Variants in BCCIP observed in about 807,000 individuals in gnomAD.
The protein encoded by BCCIP is BRCA2 and CDKN1A interacting protein.
In BCCIP, 23 loss-of-function variants were observed where a neutral mutation model predicts 32.8. That is an observed-to-expected ratio of 0.70 (90% CI 0.51 to 0.99). The LOEUF (loss-of-function observed/expected upper bound fraction) is 0.99. BCCIP is among the 50% of genes least tolerant of loss of function. BCCIP has a pLI of 0.00. For synonymous variants in BCCIP, 144 were observed against 137.6 expected (o/e 1.05, Z -0.33); for missense variants, 378 against 379.8 (o/e 1.00, Z 0.04).
chr10:125,839,708 C>A (rs1854816454), downstream of BCCIP, among the ~76,000 whole-genome samples: 1 of 152,300 alleles, frequency 6.6e-6, no homozygotes, highest in East Asian at 1.9e-4. Context: ...TAGTTAAGCT[C>A]ATCTATCTAC....
downstream of BCCIP, chr10:125,836,645 G>C: frequency 6.3e-7 from 1 of 1,595,776 alleles, no homozygotes; most frequent in Non-Finnish European, 8.6e-7. Context: ...CAGCCATCCA[G>C]CTACCTTTGG....
At chr10:125,841,007 A>G (rs1940168522), downstream of BCCIP, 2 of 1,591,486 alleles carry the variant, frequency 1.3e-6, no homozygotes, top group Admixed American at 3.5e-5. Context: ...CTTCAAAATG[A>G]AAAAGGTCAC....
downstream of BCCIP, among the ~76,000 whole-genome samples, chr10:125,846,720 A>C (rs192347104): frequency 1.7e-3 from 252 of 152,294 alleles, 1 homozygote; most frequent in African/African-American, 5.6e-3. Context: ...CCACGTGACA[A>C]CACCACATTA....
At chr10:125,852,003 G>T (rs572509920) in intron 7 of BCCIP, among the ~76,000 whole-genome samples, 1 of 150,914 alleles carries the variant, frequency 6.6e-6, no homozygotes, top group Admixed American at 6.6e-5. Context: ...TCACCCTTAC[G>T]CTTCCATACT....
downstream of BCCIP, chr10:125,836,772 T>G: frequency 6.2e-7 from 1 of 1,614,124 alleles, no homozygotes; most frequent in South Asian, 1.1e-5. Context: ...AGGGGATAGG[T>G]GATCCACTAC....
downstream of BCCIP, among the ~76,000 whole-genome samples, chr10:125,837,710 G>C (rs1435756155): frequency 6.6e-6 from 1 of 152,192 alleles, no homozygotes; most frequent in African/African-American, 2.4e-5. Flanking sequence ...CAGCTACAGT[G>C]ATCCTTAAAA....
chr10:125,831,359 C>A, intron 4 of BCCIP, 61 bp from the exon 5 acceptor site: 1 of 1,510,424 alleles, frequency 6.6e-7, no homozygotes, highest in Non-Finnish European at 9.0e-7. Flanking sequence ...CTTTTACTCT[C>A]AGGTTTTGTC....
chr10:125,832,390 G>C (rs1160870459), intron 5 of BCCIP, among the ~76,000 whole-genome samples: 1 of 152,040 alleles, frequency 6.6e-6, no homozygotes, highest in African/African-American at 2.4e-5. Context: ...CCCTTGCGTT[G>C]TGGTTTTCCT....
rs201945999 is a variant in BCCIP, at chr10:125,823,568, G to C, written c.11G>C (p.Arg4Thr). MAS[R>T]SKRRAVESGV... ...AGTGTGAGCGGCAACATGGCGTCCA[G>C]GTCTAAGCGGCGTGCCGTGGAAAGT... Residue 4 changes from arginine (R) to threonine (T), a missense_variant, in exon 1 of 7, where the codon AGG becomes ACG. By Grantham distance (71) the Arg-to-Thr change is moderately conservative. Transcript: ENST00000278100. 8 of 1,613,752 alleles carry C rather than the reference G, an allele frequency of 5.0e-6. No individual in the cohort carries two copies. The highest frequency in any genetic ancestry group is 6.8e-6 in the Non-Finnish European group (8 of 1,179,920).
At chr10:125,834,694 C>T (rs547214690) in intron 6 of BCCIP, among the ~76,000 whole-genome samples, 46 of 152,022 alleles carry the variant, frequency 3.0e-4, no homozygotes, top group African/African-American at 1.0e-3. Context: ...GCCTGTAATC[C>T]CAGCTACTCG....
intron 2 of BCCIP, 104 bp from the exon 3 acceptor site, chr10:125,827,454 T>C: frequency 1.3e-6 from 1 of 771,882 alleles, no homozygotes; most frequent in Non-Finnish European, 2.0e-6. Context: ...TAGATCATCA[T>C]CTTAAGTCAC....
chr10:125,824,713 A>T (rs941181244), intron 1 of BCCIP, among the ~76,000 whole-genome samples: 1 of 111,206 alleles, frequency 9.0e-6, no homozygotes, highest in Non-Finnish European at 2.0e-5. Flanking sequence ...GTTCCCCTAC[A>T]ATCAGTCTAT....
At chr10:125,833,047 G>A (rs529411139) in intron 5 of BCCIP, among the ~76,000 whole-genome samples, 1 of 151,766 alleles carries the variant, frequency 6.6e-6, no homozygotes, top group East Asian at 1.9e-4. Flanking sequence ...GTGTGAACCT[G>A]GCAGGCAGAG....
chr10:125,823,616 C>T lies in BCCIP; in HGVS notation c.59C>T (p.Pro20Leu). 1 of 1,614,076 alleles carries T rather than the reference C, an allele frequency of 6.2e-7. No individual in the cohort carries two copies. The highest frequency in any genetic ancestry group is 8.5e-7 in the Non-Finnish European group (1 of 1,179,992). Residue 20 changes from proline to leucine, a missense_variant, in exon 1 of 7, where the codon CCC (proline) becomes CTC (leucine). Transcript: ENST00000278100. ...VESGVPQPPD[P>L]PVQRDEEEEK... ...AGTGGGGTTCCGCAGCCGCCGGATCCCCCAGTCCAGCGCGACGAGGAAGAG... is the reference window on the plus strand; with the variant it reads ...AGTGGGGTTCCGCAGCCGCCGGATCTCCCAGTCCAGCGCGACGAGGAAGAG...
chr10:125,846,893 G>T (rs919432666), downstream of BCCIP, among the ~76,000 whole-genome samples: 6 of 152,166 alleles, frequency 3.9e-5, no homozygotes, highest in African/African-American at 1.4e-4. Context: ...CTAAGACTCT[G>T]CCCAGTTCCT....
intron 1 of BCCIP, among the ~76,000 whole-genome samples, chr10:125,824,118 C>T (rs1471890169): frequency 6.6e-6 from 1 of 152,204 alleles, no homozygotes; most frequent in Admixed American, 6.5e-5. Flanking sequence ...CTTGGGCCCT[C>T]AGTTTCTTGA....
Position 125,826,576 on chromosome 10 carries a change from G to C in BCCIP, c.166-15G>C. 1 of 1,612,552 alleles carries C rather than the reference G, an allele frequency of 6.2e-7. No individual in the cohort carries two copies. The highest frequency in any genetic ancestry group is 8.5e-7 in the Non-Finnish European group (1 of 1,179,396). On this transcript the variant is annotated splice_polypyrimidine_tract_variant and intron_variant, in intron 1 of 6. Transcript: ENST00000278100. Reference sequence around the variant, plus strand: ...TAGTTTTTCTGGTAACAACTATTTTGTGTGTTATTTACAGGAAGTGAATAT... The same window carrying C: ...TAGTTTTTCTGGTAACAACTATTTTCTGTGTTATTTACAGGAAGTGAATAT...
rs369026004 is a variant in BCCIP at position 125,830,737 on chromosome 10, T to A, written c.411+86T>A. 13 of 799,826 alleles carry A rather than the reference T, an allele frequency of 1.6e-5. No individual in the cohort carries two copies. In the African/African-American group the frequency reaches 2.3e-4, roughly 14 times the overall value. The allele number at this position is 799,826 out of a possible 1,614,324, so 49.5% of individuals were successfully genotyped here. A position where few individuals can be genotyped will look rare whatever the true frequency, so the allele number is the denominator to read the frequency against. ...ATGCATGGTGAAAATGTCTTTTATG[T>A]TAAACAGTGATATTAACTATAGGGA... On this transcript the variant is annotated intron_variant, in intron 4 of 6. Coordinates refer to ENST00000278100, the MANE Select transcript of BCCIP (RefSeq NM_078468.3).
downstream of BCCIP, among the ~76,000 whole-genome samples, chr10:125,846,032 A>T (rs1944013701): frequency 6.6e-6 from 1 of 152,210 alleles, no homozygotes; most frequent in African/African-American, 2.4e-5. Flanking sequence ...AAGGAAGCTG[A>T]ATTTGTCTCC....
Sources: allele counts gnomAD v4.1 joint callset (sites outside exome capture counted in the v4.1 genomes callset), GRCh38; gene constraint gnomAD v4.1.1; transcripts MANE v1.5; gene names NCBI Gene and HGNC (gene_info 2026-07-23, HGNC 2026-07-21).